TTC28: variants seen among roughly 807,000 people sequenced by gnomAD.
The protein encoded by TTC28 is tetratricopeptide repeat protein 28.
In TTC28, 61 loss-of-function variants were observed where a neutral mutation model predicts 198.0. The ratio of observed to expected loss-of-function variants is 0.31; its 90% CI spans 0.25 to 0.38. The LOEUF (loss-of-function observed/expected upper bound fraction) is 0.38. TTC28 is among the 10% of genes least tolerant of loss of function. TTC28 has a pLI of 1.00. For synonymous variants in TTC28, 1,171 were observed against 1,297.8 expected (o/e 0.90, Z 2.10); for missense variants, 2,678 against 3,164.0 (o/e 0.85, Z 3.69).
At chr22:28,115,986 T>C (rs1315019922) in intron 6 of TTC28, among the ~76,000 whole-genome samples, 1 of 152,198 alleles carries the variant, frequency 6.6e-6, no homozygotes, top group East Asian at 1.9e-4. Context: ...AAATAAAATG[T>C]AGTATTTTTG....
chr22:28,315,469 C>G (rs2045337185), intron 2 of TTC28, among the ~76,000 whole-genome samples: 1 of 152,030 alleles, frequency 6.6e-6, no homozygotes, highest in Non-Finnish European at 1.5e-5. Context: ...TTTTATCTAA[C>G]CCTTGGTTAC....
In TTC28 at chr22:28,609,174, C is replaced by A. The variant is rs534828780; in HGVS notation, c.381+20378G>T. On this transcript the variant is annotated intron_variant, in intron 2 of 22. Coordinates refer to ENST00000397906, the MANE Select transcript of TTC28 (RefSeq NM_001145418.2). ...CTATGTCTAAAGAATTAAGGGAAAA[C>A]GTGAGCAATATCTTACCAAATGGAG... Among the ~76,000 whole-genome samples the A allele has an allele frequency of 1.8e-3, 280 of 152,158 alleles. 1 individual carries two copies. Among genetic ancestry groups the A allele is most frequent in the Middle Eastern group, 3.4e-3 (1 of 294 alleles).
chr22:28,420,642 G>C (rs2047238216), intron 2 of TTC28, among the ~76,000 whole-genome samples: 1 of 151,314 alleles, frequency 6.6e-6, no homozygotes, highest in Non-Finnish European at 1.5e-5. Context: ...CTGTCGCCCA[G>C]GGTGGAGTGC....
chr22:28,457,171 C>T (rs910077965), intron 2 of TTC28, among the ~76,000 whole-genome samples: 3 of 152,176 alleles, frequency 2.0e-5, no homozygotes, highest in African/African-American at 7.2e-5. Flanking sequence ...TGTTTGGATA[C>T]ATTTGAGCCA....
chr22:28,553,307 T>C (rs2049724197), intron 2 of TTC28, among the ~76,000 whole-genome samples: 1 of 143,998 alleles, frequency 6.9e-6, no homozygotes. Flanking sequence ...GTGAGGAGCG[T>C]CTCTGCCCAG....
intron 1 of TTC28, among the ~76,000 whole-genome samples, chr22:28,661,090 G>C (rs943987593): frequency 6.6e-6 from 1 of 151,744 alleles, no homozygotes; most frequent in African/African-American, 2.4e-5. Flanking sequence ...TTCGAGACCA[G>C]CCTGACCAAC....
intron 7 of TTC28, among the ~76,000 whole-genome samples, chr22:28,106,060 CAT>C (rs1275985606): frequency 1.3e-5 from 2 of 152,214 alleles, no homozygotes; most frequent in Non-Finnish European, 2.9e-5. Flanking sequence ...CCAGAGGAAA[CAT>C]AAAATATATT....
chr22:28,276,380 A>G (rs1309669441), intron 5 of TTC28, among the ~76,000 whole-genome samples: 1 of 152,096 alleles, frequency 6.6e-6, no homozygotes, highest in Admixed American at 6.5e-5. Context: ...CTCATGACTA[A>G]AGTAATAGGA....
intron 13 of TTC28, among the ~76,000 whole-genome samples, chr22:28,015,419 TAAAAAAA>T (rs138678): frequency 3.1e-4 from 34 of 109,686 alleles, no homozygotes; most frequent in African/African-American, 7.9e-4. Flanking sequence ...GAGATAGCTT[TAAAAAAA>T]AAAAAAAAAA....
intron 2 of TTC28, among the ~76,000 whole-genome samples, chr22:28,363,392 A>C (rs563148953): frequency 6.6e-6 from 1 of 152,166 alleles, no homozygotes; most frequent in African/African-American, 2.4e-5. Flanking sequence ...ATTTTAGAGG[A>C]TATATGGAAA....
At chr22:28,266,477 C>T (rs1787127270) in intron 5 of TTC28, among the ~76,000 whole-genome samples, 1 of 152,298 alleles carries the variant, frequency 6.6e-6, no homozygotes, top group Admixed American at 6.5e-5. Context: ...TGGGTTGACT[C>T]TGGGTTCAGC....
At chr22:28,068,282 T>C (rs575170854) in intron 12 of TTC28, among the ~76,000 whole-genome samples, 7 of 152,192 alleles carry the variant, frequency 4.6e-5, no homozygotes, top group Non-Finnish European at 1.0e-4. Context: ...TTTAGCTGTG[T>C]GACCTAGGAT....
chr22:28,590,179 G>C (rs1260491334), intron 2 of TTC28, among the ~76,000 whole-genome samples: 1 of 146,974 alleles, frequency 6.8e-6, no homozygotes, highest in Non-Finnish European at 1.5e-5. Flanking sequence ...CCAGGCTGGA[G>C]TGCAGCGGCG....
chr22:28,228,607 G>A (rs1928537418), intron 5 of TTC28, among the ~76,000 whole-genome samples: 1 of 152,098 alleles, frequency 6.6e-6, no homozygotes, highest in Non-Finnish European at 1.5e-5. Flanking sequence ...GGCTGAGGCA[G>A]GAGAATCGCT....
In TTC28 at chr22:28,001,384, A is replaced by T. The variant is rs577959159; in HGVS notation, c.4388T>A (p.Val1463Glu). ...GTGTGTGAGCCTTACCTTGGACTGC[A>T]CGCTGAGGGAGCGGATGGAAGGGAC... The part of the protein sequence containing the change: ...LAVPSIRSLS[V>E]QSKSHLRKNP... Residue 1463 changes from valine to glutamate, a missense_variant, in exon 15 of 23, where the codon GTG (valine) becomes GAG (glutamate). Coordinates refer to ENST00000397906, the MANE Select transcript of TTC28 (RefSeq NM_001145418.2). 2 of 1,550,366 alleles carry T rather than the reference A, an allele frequency of 1.3e-6. No individual in the cohort carries two copies. Among genetic ancestry groups the T allele is most frequent in the Admixed American group, 3.9e-5 (2 of 50,982 alleles).
At chr22:28,317,550 G>A (rs1483523710) in intron 2 of TTC28, among the ~76,000 whole-genome samples, 2 of 152,126 alleles carry the variant, frequency 1.3e-5, no homozygotes, top group Non-Finnish European at 2.9e-5. Context: ...TGAGTGTTCT[G>A]AGAACTGGAG....
intron 2 of TTC28, among the ~76,000 whole-genome samples, chr22:28,435,268 T>C (rs1423690994): frequency 6.6e-6 from 1 of 152,094 alleles, no homozygotes; most frequent in African/African-American, 2.4e-5. Context: ...AATGGCAAAA[T>C]GTGCTGAAAA....
intron 2 of TTC28, among the ~76,000 whole-genome samples, chr22:28,576,461 C>A (rs776279640): frequency 2.0e-5 from 3 of 151,752 alleles, no homozygotes; most frequent in Non-Finnish European, 4.4e-5. Context: ...GTTTTATGAA[C>A]CTTTATCTAG....
intron 12 of TTC28, among the ~76,000 whole-genome samples, chr22:28,085,422 G>C (rs1941546751): frequency 6.6e-6 from 1 of 152,228 alleles, no homozygotes; most frequent in East Asian, 1.9e-4. Context: ...AGCTTCATAA[G>C]TGAAGGAGAA....
Sources: gnomAD v4.1 joint callset for allele counts (sites outside exome capture counted in the v4.1 genomes callset) on GRCh38, gnomAD v4.1.1 for gene constraint, MANE v1.5 for transcripts, NCBI Gene and HGNC (gene_info 2026-07-23, HGNC 2026-07-21) for gene names.